The following SLC25A22 variants were observed in gnomAD, a reference collection of about 807,000 sequenced individuals.
The protein encoded by SLC25A22 is mitochondrial glutamate carrier 1.
A neutral mutation model predicts 33.7 loss-of-function variants in SLC25A22; 23 were observed. The observed-to-expected ratio is 0.68, with a 90% CI of 0.49 to 0.97. SLC25A22 has a LOEUF of 0.97. Ranked by LOEUF, SLC25A22 falls within the 50% of genes least tolerant of loss-of-function variation. The pLI is 0.00. For synonymous variants in SLC25A22, 245 were observed against 203.8 expected (o/e 1.20, Z -1.72); for missense variants, 390 against 451.1 (o/e 0.86, Z 1.23).
rs201574228 is a variant in SLC25A22, at chr11:794,510, G to A, written c.150C>T (p.Ser50=). 156 of 1,612,316 alleles carry A rather than the reference G, an allele frequency of 9.7e-5. No homozygotes were observed. The highest frequency in any genetic ancestry group is 4.7e-4 in the Admixed American group (28 of 59,946). The change falls in exon 4 of 10, where the codon TCC becomes TCT. Residue 50 remains serine (S), a synonymous_variant. Transcript: ENST00000628067. ...AGCGGACGGTCTTGATGAGGCAGTC[G>A]GACCTGTGGCCAAGGGGACAGGGTG... The part of the protein sequence containing the change: ...QNGQRVYTSM[S]DCLIKTVRSE...
intron 6 of SLC25A22, 55 bp from the exon 7 acceptor site, chr11:792,782 G>T (rs1590118960): frequency 1.3e-6 from 2 of 1,548,668 alleles, no homozygotes; most frequent in Non-Finnish European, 1.7e-6. Flanking sequence ...CAGGGGACAC[G>T]CTCTGGCCCT....
chr11:794,583 C>A, intron 3 of SLC25A22, 70 bp from the exon 4 acceptor site: 1 of 1,580,540 alleles, frequency 6.3e-7, no homozygotes, highest in African/African-American at 1.3e-5. Flanking sequence ...CCTGGACTGT[C>A]TAGGGCTGAT....
At position 794,470 on chromosome 11, in the gene SLC25A22, C is replaced by T. The variant is rs774766308; in HGVS notation, c.190G>A (p.Gly64Ser). 4.0e-5 allele frequency: 65 copies of T among 1,612,886 alleles called. No individual in the cohort carries two copies. Among genetic ancestry groups the T allele is most frequent in the African/African-American group, 9.3e-5 (7 of 74,916 alleles). ...AGCCAAACCTCACCCCGGTACATGC[C>T]GAAGTAGCCCTCGGAGCGGACGGTC... ...IKTVRSEGYF[G>S]MYRGAAVNLT... The change falls in exon 4 of 10, where the codon GGC becomes AGC. Residue 64 changes from glycine (G) to serine (S), a missense_variant. Coordinates refer to ENST00000628067, the MANE Select transcript of SLC25A22 (RefSeq NM_001191061.2).
intron 3 of SLC25A22, 22 bp downstream of exon 3, chr11:794,754 C>G: frequency 6.3e-7 from 1 of 1,592,348 alleles, no homozygotes; most frequent in Non-Finnish European, 8.5e-7. Flanking sequence ...GCCCACTCCC[C>G]GCGACCGCCC....
At chr11:793,333 G>T (rs1864635627) in intron 5 of SLC25A22, 196 bp downstream of exon 5, 1 of 641,190 alleles carries the variant, frequency 1.6e-6, no homozygotes, top group Admixed American at 2.4e-5. Context: ...TACCAAGCCA[G>T]AGCCCCACTG....
chr11:791,608 A>C lies in SLC25A22; in HGVS notation c.*307T>G. On this transcript the variant is annotated 3_prime_UTR_variant, in exon 10 of 10. Transcript: ENST00000628067. ...GCCCGGCCCAGGCCCGGGGGCCCCC[A>C]GCCCAGAGACCAGCTCTGTCCCTGG... The C allele has an allele frequency of 2.3e-6, 1 of 442,954 alleles. No individual in the cohort carries two copies. The highest frequency in any genetic ancestry group is 4.1e-6 in the Non-Finnish European group (1 of 243,736). 27.4% of individuals were successfully genotyped at this position (442,954 alleles called of 1,614,324 possible). A position where few individuals can be genotyped will look rare whatever the true frequency, so the allele number is the denominator to read the frequency against.
rs145401722 is a variant in SLC25A22, at chr11:795,060, GGGTGGAGGTGGA to G, written c.-66_-55del. The G allele has an allele frequency of 7.1e-6, 11 of 1,549,770 alleles. No homozygotes were observed. In the African/African-American group the frequency reaches 1.1e-4, roughly 15 times the overall value. ...GCAGAGGTGGACGCCAGGCCAGGCG[GGGTGGAGGTGGA>G]GGTGGAGGAGGCCTTGAGGGAGGGT... On this transcript the variant is annotated 5_prime_UTR_variant, in exon 2 of 10. Transcript: ENST00000628067.
intron 5 of SLC25A22, among the ~76,000 whole-genome samples, chr11:793,307 C>T (rs979864865): frequency 3.3e-5 from 5 of 152,146 alleles, no homozygotes; most frequent in Non-Finnish European, 7.4e-5. Context: ...CTGGTCAGTG[C>T]CCTCAGGCCA....
At chr11:793,660 C>T in intron 4 of SLC25A22, 41 bp from the exon 5 acceptor site, 2 of 1,455,716 alleles carry the variant, frequency 1.4e-6, no homozygotes, top group South Asian at 2.3e-5. Flanking sequence ...TGCTCGGTGG[C>T]CTGAGTGGGG....
Position 798,233 on chromosome 11 carries a change from GCCGCGCTCGCCTGCCCGCC to G in SLC25A22, c.-199_-181del, listed in dbSNP as rs1267518553. ...GACACTCACCACGCTCGCCGCCGCC[GCCGCGCTCGCCTGCCCGCC>G]CCGCGCTCGGCCAGCACCTAGGCGG... is the stretch of plus-strand genomic sequence containing the variant. On this transcript the variant is annotated 5_prime_UTR_variant, in exon 1 of 10. Transcript: ENST00000628067. 8 of 393,996 alleles carry G rather than the reference GCCGCGCTCGCCTGCCCGCC, an allele frequency of 2.0e-5. No individual in the cohort carries two copies. Among genetic ancestry groups the G allele is most frequent in the Non-Finnish European group, 3.6e-5 (8 of 223,318 alleles). The allele number at this position is 393,996 out of a possible 1,614,324, so 24.4% of individuals were successfully genotyped here.
intron 1 of SLC25A22, chr11:797,532 C>T (rs1215819507): frequency 2.5e-5 from 10 of 397,826 alleles, no homozygotes; most frequent in Admixed American, 4.4e-5. Flanking sequence ...GAGCAGAGAC[C>T]ACCCCACAGG....
chr11:798,072 T>G, intron 1 of SLC25A22, 145 bp downstream of exon 1: 1 of 398,248 alleles, frequency 2.5e-6, no homozygotes, highest in Non-Finnish European at 4.4e-6. Context: ...GAGCATCCGC[T>G]GGTCCAGGAC....
At chr11:794,201 G>A (rs1390574008) in intron 4 of SLC25A22, 2 of 698,486 alleles carry the variant, frequency 2.9e-6, no homozygotes, top group African/African-American at 1.7e-5. Context: ...GGCCACCAGA[G>A]AAGAGACAGA....
Position 791,452 on chromosome 11 carries a change from G to A in SLC25A22, c.*463C>T, listed in dbSNP as rs1011208209. ...TCCTGCCAAGGCGACAAGAGCGGCT[G>A]GGGAAGGACGGAAGGGCTGGAGAGC... On this transcript the variant is annotated 3_prime_UTR_variant, in exon 10 of 10. Transcript: ENST00000628067. 8.0e-5 allele frequency: 16 copies of A among 198,960 alleles called. No individual in the cohort carries two copies. Among genetic ancestry groups the A allele is most frequent in the Non-Finnish European group, 1.4e-4 (13 of 95,980 alleles). 12.3% of individuals were successfully genotyped at this position (198,960 alleles called of 1,614,324 possible).
chr11:792,839 T>C, intron 6 of SLC25A22, 31 bp downstream of exon 6: 1 of 1,356,068 alleles, frequency 7.4e-7, no homozygotes, highest in Non-Finnish European at 1.0e-6. Context: ...CCCGCACCTC[T>C]GCCCTCTCCT....
intron 4 of SLC25A22, chr11:794,218 A>G (rs1864674766): frequency 5.7e-6 from 4 of 701,826 alleles, no homozygotes; most frequent in Middle Eastern, 2.3e-4. Flanking sequence ...CAGATGTACC[A>G]TGGCATCCCA....
At chr11:794,562 AGGC>A in intron 3 of SLC25A22, 49 bp from the exon 4 acceptor site, 1 of 1,601,030 alleles carries the variant, frequency 6.2e-7, no homozygotes, top group Non-Finnish European at 8.5e-7. Context: ...GGCCAGCCGG[AGGC>A]CAGGGTCCCT....
Position 797,936 on chromosome 11 carries a change from G to C in SLC25A22, c.-164+281C>G, listed in dbSNP as rs971173700. 2.1e-4 allele frequency: 83 copies of C among 398,316 alleles called. 4 individuals carry two copies. Among genetic ancestry groups the C allele is most frequent in the Admixed American group, 4.4e-5 (1 of 22,718 alleles). 24.7% of individuals were successfully genotyped at this position (398,316 alleles called of 1,614,324 possible). On this transcript the variant is annotated intron_variant, in intron 1 of 9. Transcript: ENST00000628067. Reference sequence around the variant, plus strand: ...GAACTCCCACGTGTGCGTCCCACACGGGTCGGCCTTTCTTCCTTGGGCTCG... The same window carrying C: ...GAACTCCCACGTGTGCGTCCCACACCGGTCGGCCTTTCTTCCTTGGGCTCG...
chr11:793,417 G>A, intron 5 of SLC25A22, 112 bp downstream of exon 5: 4 of 1,021,032 alleles, frequency 3.9e-6, no homozygotes, highest in Non-Finnish European at 6.0e-6. Context: ...GAAGCCCCAA[G>A]CAAGGGGCTG....
Sources: gnomAD v4.1 joint callset for allele counts (sites outside exome capture counted in the v4.1 genomes callset) on GRCh38, gnomAD v4.1.1 for gene constraint, MANE v1.5 for transcripts, NCBI Gene and HGNC (gene_info 2026-07-23, HGNC 2026-07-21) for gene names.